Variants in NNT observed in about 807,000 individuals in gnomAD.
The protein encoded by NNT is NAD(P) transhydrogenase, mitochondrial.
Under a neutral mutation model 104.8 loss-of-function variants are expected in NNT, and 50 were observed. The observed-to-expected ratio is 0.48, with a 90% CI of 0.38 to 0.60. The LOEUF (loss-of-function observed/expected upper bound fraction) is 0.60. NNT is among the 20% of genes least tolerant of loss of function. The pLI, the probability that NNT is intolerant of heterozygous loss-of-function variation, is 0.00. For missense variants in NNT, 1,131 were observed against 1,330.7 expected (o/e 0.85, Z 2.33); for synonymous variants, 461 against 490.4 (o/e 0.94, Z 0.79).
At chr5:43,650,898 A>C (rs1034086468) in intron 12 of NNT, among the ~76,000 whole-genome samples, 5 of 152,212 alleles carry the variant, frequency 3.3e-5, no homozygotes, top group Admixed American at 6.5e-5. Flanking sequence ...AAATTAGTAT[A>C]ATTTTAGATA....
intron 6 of NNT, among the ~76,000 whole-genome samples, chr5:43,627,495 T>C (rs1750432443): frequency 6.6e-6 from 1 of 152,150 alleles, no homozygotes; most frequent in Admixed American, 6.5e-5. Flanking sequence ...TAGGGGGGTT[T>C]GAGATTTACC....
At chr5:43,651,938 A>G (rs1348982983) in intron 13 of NNT, 54 bp downstream of exon 13, 4 of 1,544,598 alleles carry the variant, frequency 2.6e-6, no homozygotes, top group Non-Finnish European at 3.6e-6. Context: ...CTTCTCTATT[A>G]GATTTAACAT....
intron 13 of NNT, among the ~76,000 whole-genome samples, chr5:43,652,445 A>G (rs1308392613): frequency 1.3e-5 from 2 of 151,734 alleles, no homozygotes; most frequent in African/African-American, 2.4e-5. Context: ...TTTGTTCTGA[A>G]CTCTGTATTT....
At chr5:43,641,865 T>C (rs1751259712) in intron 7 of NNT, among the ~76,000 whole-genome samples, 1 of 152,220 alleles carries the variant, frequency 6.6e-6, no homozygotes, top group Non-Finnish European at 1.5e-5. Flanking sequence ...CATGTCCATG[T>C]GTTTTTCAAA....
chr5:43,681,684 G>A (rs779067998), intron 19 of NNT, among the ~76,000 whole-genome samples: 5 of 152,144 alleles, frequency 3.3e-5, no homozygotes, highest in African/African-American at 7.2e-5. Context: ...ACAGGCGTGA[G>A]CCACCGCACC....
At chr5:43,617,423 G>A (rs112020202) in intron 4 of NNT, among the ~76,000 whole-genome samples, 1 of 152,096 alleles carries the variant, frequency 6.6e-6, no homozygotes, top group Non-Finnish European at 1.5e-5. Context: ...TAAACCTTCA[G>A]GGACCCAGGG....
intron 7 of NNT, among the ~76,000 whole-genome samples, chr5:43,628,934 TG>T (rs1274837011): frequency 0.011 from 1,664 of 146,052 alleles, 28 homozygotes; most frequent in African/African-American, 0.042. Flanking sequence ...GTGTGTACAA[TG>T]TTTTTTTTTT....
chr5:43,615,093 C>T lies in NNT; in HGVS notation c.382-755C>T, dbSNP rs375778395. 4.6e-5 allele frequency among the ~76,000 whole-genome samples: 7 copies of T among 151,896 alleles called. No homozygotes were observed. In the East Asian group the frequency reaches 1.2e-3, roughly 25 times the overall value. ...CGGAGCTTGCAGTGAGCCGAGATTG[C>T]GCCACTGCAGTCCGCAGTCCGGCCT... On this transcript the variant is annotated intron_variant, in intron 3 of 21. Transcript: ENST00000344920.
rs1431848217 is a variant in NNT at position 43,613,004 on chromosome 5, T to A, written c.248T>A (p.Val83Asp). The change falls in exon 3 of 22, where the codon GTC (valine) becomes GAC (aspartate). Residue 83 changes from valine (V) to aspartate (D), a missense_variant. Val to Asp is a radical substitution (Grantham distance 152). Coordinates refer to ENST00000344920, the MANE Select transcript of NNT (RefSeq NM_182977.3). ...TCTCCTGCTGGTGTTCAGAACTTGGTCAAGCAGGGTTTTAATGTTGTCGTG... is the reference window on the plus strand; with the variant it reads ...TCTCCTGCTGGTGTTCAGAACTTGGACAAGCAGGGTTTTAATGTTGTCGTG... ...ALSPAGVQNL[V>D]KQGFNVVVES... 2 of 1,614,114 alleles carry A rather than the reference T, an allele frequency of 1.2e-6. No homozygotes were observed. Among genetic ancestry groups the A allele is most frequent in the Non-Finnish European group, 1.7e-6 (2 of 1,180,016 alleles).
chr5:43,659,145 G>A (rs1020066422), intron 16 of NNT, 26 bp from the exon 17 acceptor site: 2 of 1,519,390 alleles, frequency 1.3e-6, no homozygotes, highest in Non-Finnish European at 1.8e-6. Flanking sequence ...TATTAATTTT[G>A]AGTTCTGATT....
intron 19 of NNT, among the ~76,000 whole-genome samples, chr5:43,693,021 A>C (rs756978949): frequency 1.3e-5 from 2 of 151,966 alleles, no homozygotes; most frequent in Non-Finnish European, 2.9e-5. Flanking sequence ...AATTGTTATT[A>C]TACTTAAGTA....
intron 4 of NNT, among the ~76,000 whole-genome samples, chr5:43,618,424 G>C (rs1167732635): frequency 6.6e-6 from 1 of 152,146 alleles, no homozygotes; most frequent in Non-Finnish European, 1.5e-5. Context: ...TAGAGATCAA[G>C]GGAAGTGTTT....
At chr5:43,629,817 T>C (rs1750584671) in intron 7 of NNT, among the ~76,000 whole-genome samples, 1 of 152,220 alleles carries the variant, frequency 6.6e-6, no homozygotes, top group African/African-American at 2.4e-5. Context: ...CACTTTTTGA[T>C]GGGATTATTT....
At chr5:43,682,047 A>G (rs1323787656) in intron 19 of NNT, among the ~76,000 whole-genome samples, 1 of 152,160 alleles carries the variant, frequency 6.6e-6, no homozygotes, top group East Asian at 1.9e-4. Context: ...TACTGTCTAA[A>G]CACATCTAGC....
chr5:43,609,130 T>C lies in NNT; in HGVS notation c.-53-13T>C. 1.5e-6 allele frequency: 2 copies of C among 1,332,620 alleles called. No individual in the cohort carries two copies. The highest frequency in any genetic ancestry group is 2.1e-6 in the Non-Finnish European group (2 of 952,004). 82.5% of individuals were successfully genotyped at this position (1,332,620 alleles called of 1,614,324 possible). A position where few individuals can be genotyped will look rare whatever the true frequency, so the allele number is the denominator to read the frequency against. Reference sequence around the variant, plus strand: ...TTCTTGGCATATATACATCCTATTTTCTTTTTTCTTAGTGATTTGCCTTCA... The same window carrying C: ...TTCTTGGCATATATACATCCTATTTCCTTTTTTCTTAGTGATTTGCCTTCA... On this transcript the variant is annotated splice_polypyrimidine_tract_variant and intron_variant, in intron 1 of 21. Coordinates refer to ENST00000344920, the MANE Select transcript of NNT (RefSeq NM_182977.3).
At chr5:43,684,728 TA>T (rs149163571) in intron 19 of NNT, among the ~76,000 whole-genome samples, 5,709 of 148,798 alleles carry the variant, frequency 0.038, 217 homozygotes, top group East Asian at 0.2. Flanking sequence ...AATGATTGCT[TA>T]AAAAAAAAAC....
At chr5:43,689,475 T>C (rs1742153630) in intron 19 of NNT, among the ~76,000 whole-genome samples, 1 of 152,232 alleles carries the variant, frequency 6.6e-6, no homozygotes, top group South Asian at 2.1e-4. Flanking sequence ...CCTAAGCCAA[T>C]GTCTAGAAGG....
Position 43,644,714 on chromosome 5 carries a change from C to G in NNT, c.1202C>G (p.Pro401Arg), listed in dbSNP as rs202031197. The G allele has an allele frequency of 6.8e-6, 11 of 1,613,968 alleles. No individual in the cohort carries two copies. Among genetic ancestry groups the G allele is most frequent in the African/African-American group, 1.3e-5 (1 of 74,892 alleles). Residue 401 changes from proline (P) to arginine (R), a missense_variant, in exon 9 of 22, where the codon CCG becomes CGG. Coordinates refer to ENST00000344920, the MANE Select transcript of NNT (RefSeq NM_182977.3). ...NITKLLKAISPDKDNFYFDVK... is the reference protein window; with the variant it reads ...NITKLLKAISRDKDNFYFDVK... ...ACCAAACTCCTGAAGGCCATCAGCC[C>G]GGACAAAGATAATTTTTATTTTGAT... is the stretch of plus-strand genomic sequence containing the variant.
chr5:43,639,543 C>T (rs542250836), intron 7 of NNT, among the ~76,000 whole-genome samples: 1 of 152,250 alleles, frequency 6.6e-6, no homozygotes, highest in South Asian at 2.1e-4. Flanking sequence ...TGTTGACCAA[C>T]CTTTGAATGC....
Sources: allele counts gnomAD v4.1 joint callset (sites outside exome capture counted in the v4.1 genomes callset), GRCh38; gene constraint gnomAD v4.1.1; transcripts MANE v1.5; gene names NCBI Gene and HGNC (gene_info 2026-07-23, HGNC 2026-07-21).